The following MAMDC2 variants were observed in gnomAD, a reference collection of about 807,000 sequenced individuals.
MAMDC2 encodes MAM domain-containing protein 2.
In MAMDC2, 57 loss-of-function variants were observed where a neutral mutation model predicts 89.8. The ratio of observed to expected loss-of-function variants is 0.63; its 90% CI spans 0.51 to 0.79. The LOEUF is 0.79. Among genes scored for constraint, MAMDC2 ranks in the 30% least tolerant of loss-of-function variants. The probability of loss-of-function intolerance (pLI) is 0.00; values close to 1 mark genes in which losing one functional copy is unlikely to be tolerated. For synonymous variants in MAMDC2, 313 were observed against 293.4 expected (o/e 1.07, Z -0.68); for missense variants, 800 against 820.6 (o/e 0.97, Z 0.31).
intron 11 of MAMDC2, among the ~76,000 whole-genome samples, chr9:70,179,098 A>G: frequency 6.6e-6 from 1 of 152,278 alleles, no homozygotes; most frequent in Middle Eastern, 3.4e-3. Flanking sequence ...CATAGGAAAC[A>G]TTGGTTAAGA....
intron 2 of MAMDC2, among the ~76,000 whole-genome samples, chr9:70,045,092 T>G (rs548747728): frequency 6.6e-6 from 1 of 152,254 alleles, no homozygotes; most frequent in African/African-American, 2.4e-5. Flanking sequence ...AAAAGTTGCA[T>G]GGGACTAGTT....
chr9:70,118,865 C>T (rs2030151348), intron 5 of MAMDC2, among the ~76,000 whole-genome samples: 1 of 152,190 alleles, frequency 6.6e-6, no homozygotes, highest in Admixed American at 6.5e-5. Context: ...TTTCTGAAAA[C>T]TACAATGTGA....
At chr9:70,174,176 C>G (rs527811144) in intron 11 of MAMDC2, among the ~76,000 whole-genome samples, 4 of 152,106 alleles carry the variant, frequency 2.6e-5, no homozygotes, top group Non-Finnish European at 5.9e-5. Context: ...TTAATTATTG[C>G]TCTATTATTC....
rs147351616 is a variant in MAMDC2 at position 70,044,636 on chromosome 9, A to G, written c.87A>G (p.Glu29=). 152 of 1,551,512 alleles carry G rather than the reference A, an allele frequency of 9.8e-5. No individual in the cohort carries two copies. The African/African-American group carries it at 1.9e-3, about 20-fold the overall frequency. Residue 29 remains glutamate, a synonymous_variant, in exon 2 of 14, where the codon GAA becomes GAG. Coordinates refer to ENST00000377182, the MANE Select transcript of MAMDC2 (RefSeq NM_153267.5). The stretch of plus-strand genomic sequence containing the variant: ...TGCCCGCTGGGTCCTGTGCCTTTGA[A>G]GAGAGCACTTGCGGCTTTGACTCCG... ...LDLPAGSCAF[E]ESTCGFDSVL...
chr9:70,059,367 GTTTGT>G (rs749615098), intron 2 of MAMDC2, among the ~76,000 whole-genome samples: 1 of 151,332 alleles, frequency 6.6e-6, no homozygotes, highest in Non-Finnish European at 1.5e-5. Flanking sequence ...GGTTTAGATA[GTTTGT>G]TTTAACATTT....
intron 9 of MAMDC2, among the ~76,000 whole-genome samples, chr9:70,156,734 T>C (rs1250247277): frequency 6.6e-6 from 1 of 151,962 alleles, no homozygotes; most frequent in Non-Finnish European, 1.5e-5. Context: ...TACTCTTGAG[T>C]TTTTCAAGCT....
rs923333404 is a variant in MAMDC2, at chr9:70,129,203, G to A, written c.901-2316G>A. Among the ~76,000 whole-genome samples the A allele has an allele frequency of 2.0e-5, 3 of 152,168 alleles. No individual in the cohort carries two copies. In the South Asian group the frequency reaches 6.2e-4, roughly 31 times the overall value. Reference sequence around the variant, plus strand: ...ACCCAGTGGGAGGTAATTAAATTATGGGGGCAGTTCTTTCTCATGCCTTTC... The same window carrying A: ...ACCCAGTGGGAGGTAATTAAATTATAGGGGCAGTTCTTTCTCATGCCTTTC... On this transcript the variant is annotated intron_variant, in intron 6 of 13. Coordinates refer to ENST00000377182, the MANE Select transcript of MAMDC2 (RefSeq NM_153267.5).
intron 11 of MAMDC2, among the ~76,000 whole-genome samples, chr9:70,205,717 T>C (rs1927091): frequency 0.79 from 120,693 of 152,148 alleles, 47,979 homozygotes; most frequent in Admixed American, 0.83. Flanking sequence ...GAATGTAATT[T>C]ATTTTCTCCA....
chr9:70,140,418 G>A, intron 8 of MAMDC2, 130 bp downstream of exon 8: 1 of 930,420 alleles, frequency 1.1e-6, no homozygotes, highest in Non-Finnish European at 1.6e-6. Context: ...AAGACAATCA[G>A]TAGTCTTGTG....
chr9:70,209,546 ATC>A (rs1564000587), intron 11 of MAMDC2, among the ~76,000 whole-genome samples: 2 of 3,664 alleles, frequency 5.5e-4, no homozygotes, highest in Non-Finnish European at 1.8e-3. Flanking sequence ...TGAGCGGTCT[ATC>A]TATCTATCTA....
At chr9:70,180,439 A>G (rs1241593863) in intron 11 of MAMDC2, among the ~76,000 whole-genome samples, 2 of 152,196 alleles carry the variant, frequency 1.3e-5, no homozygotes, top group African/African-American at 4.8e-5. Context: ...GAATTGCCAC[A>G]CTGTCTCCCA....
chr9:70,204,259 AG>A (rs2033168775), intron 11 of MAMDC2, among the ~76,000 whole-genome samples: 2 of 149,708 alleles, frequency 1.3e-5, no homozygotes, highest in South Asian at 4.2e-4. Context: ...TCTGTTTGTT[AG>A]TTTTCCTTCT....
intron 2 of MAMDC2, among the ~76,000 whole-genome samples, chr9:70,059,623 A>G (rs1417089548): frequency 2.0e-5 from 3 of 152,162 alleles, no homozygotes; most frequent in Non-Finnish European, 2.9e-5. Flanking sequence ...CCACAGTTCA[A>G]AGACAGTTTC....
intron 11 of MAMDC2, among the ~76,000 whole-genome samples, chr9:70,203,702 G>A (rs1350599912): frequency 9.3e-6 from 1 of 107,250 alleles, no homozygotes; most frequent in African/African-American, 3.5e-5. Flanking sequence ...CCAATCAGAC[G>A]TAGATTTGGT....
intron 11 of MAMDC2, chr9:70,170,836 G>A (rs1428397399): frequency 4.4e-6 from 2 of 458,094 alleles, no homozygotes; most frequent in Non-Finnish European, 7.5e-6. Context: ...GTACATTGCT[G>A]CAGCAAGGAT....
chr9:70,053,502 G>T (rs1826960112), intron 2 of MAMDC2, among the ~76,000 whole-genome samples: 1 of 152,192 alleles, frequency 6.6e-6, no homozygotes, highest in Non-Finnish European at 1.5e-5. Context: ...CCTGCCCTTG[G>T]TGGCGGCCCT....
chr9:70,116,212 G>C lies in MAMDC2; in HGVS notation c.643+3080G>C, dbSNP rs550774523. 1.2e-4 allele frequency among the ~76,000 whole-genome samples: 18 copies of C among 152,310 alleles called. 1 individual carries two copies. The East Asian group carries it at 2.1e-3, about 18-fold the overall frequency. ...CAGTGTTTCATTTTTCATCCTCGATGGCAAGAGGTAGCTGGCTGGGGAGAA... is the reference window on the plus strand; with the variant it reads ...CAGTGTTTCATTTTTCATCCTCGATCGCAAGAGGTAGCTGGCTGGGGAGAA... On this transcript the variant is annotated intron_variant, in intron 5 of 13. Coordinates refer to ENST00000377182, the MANE Select transcript of MAMDC2 (RefSeq NM_153267.5).
intron 7 of MAMDC2, among the ~76,000 whole-genome samples, chr9:70,136,876 A>T (rs188654596): frequency 8.4e-4 from 128 of 152,318 alleles, no homozygotes; most frequent in Non-Finnish European, 1.3e-3. Context: ...ATCCTTGTTC[A>T]TGTAACATCT....
chr9:70,202,163 T>A (rs1445160569), intron 11 of MAMDC2, among the ~76,000 whole-genome samples: 3 of 151,770 alleles, frequency 2.0e-5, no homozygotes, highest in Admixed American at 1.3e-4. Flanking sequence ...CAATTTTGGA[T>A]CTTTCCTGCT....
Sources: gnomAD v4.1 joint callset for allele counts (sites outside exome capture counted in the v4.1 genomes callset) on GRCh38, gnomAD v4.1.1 for gene constraint, MANE v1.5 for transcripts, NCBI Gene and HGNC (gene_info 2026-07-23, HGNC 2026-07-21) for gene names.